Variants in CDKN1A observed in about 807,000 individuals in gnomAD.
CDKN1A encodes cyclin-dependent kinase inhibitor 1.
Under a neutral mutation model 14.8 loss-of-function variants are expected in CDKN1A, and 14 were observed. That is an observed-to-expected ratio of 0.94 (90% CI 0.62 to 1.48). The LOEUF is 1.48. Ranked by LOEUF, CDKN1A falls within the 40% of genes most tolerant of loss-of-function variation. The pLI, the probability that CDKN1A is intolerant of heterozygous loss-of-function variation, is 0.00. For missense variants in CDKN1A, 203 were observed against 231.7 expected (o/e 0.88, Z 0.80); for synonymous variants, 92 against 93.5 (o/e 0.98, Z 0.09).
chr6:36,677,324 G>C (rs1441090007), upstream of CDKN1A, among the ~76,000 whole-genome samples: 1 of 152,158 alleles, frequency 6.6e-6, no homozygotes, highest in African/African-American at 2.4e-5. Context: ...GGTCAGCTGC[G>C]TTAGAGGAAG....
chr6:36,681,334 T>TTCCTTCTTTCTTTC (rs780161958), intron 1 of CDKN1A, among the ~76,000 whole-genome samples: 7 of 86,126 alleles, frequency 8.1e-5, no homozygotes, highest in African/African-American at 2.6e-4. Context: ...CTTTCTTTCT[T>TTCCTTCTTTCTTTC]TTTCTTTCTT....
chr6:36,684,625 T>C lies in CDKN1A; in HGVS notation c.445+79T>C. The C allele has an allele frequency of 4.3e-6, 6 of 1,397,792 alleles. No homozygotes were observed. Among genetic ancestry groups the C allele is most frequent in the South Asian group, 2.4e-5 (2 of 84,548 alleles). The allele number at this position is 1,397,792 out of a possible 1,614,324, so 86.6% of individuals were successfully genotyped here. The stretch of plus-strand genomic sequence containing the variant: ...ATGGTCCAAGGGCTGACCTGTCTGG[T>C]CCTGGTCCAGCATGCTCCAGGTAGA... On this transcript the variant is annotated intron_variant, in intron 2 of 2. Transcript: ENST00000244741. This position sits in a 1 kb window ranked among gnomAD's most constrained non-coding sequence, Gnocchi z 6.0.
upstream of CDKN1A, chr6:36,678,712 C>G: frequency 1.0e-6 from 1 of 985,496 alleles, no homozygotes; most frequent in Non-Finnish European, 1.2e-6. This position sits in a 1 kb window ranked among gnomAD's most constrained non-coding sequence, Gnocchi z 5.7. Context: ...GCTGCGCCAG[C>G]TGAGGTGTGA....
chr6:36,685,721 G>A (rs1389437990), intron 2 of CDKN1A, 30 bp from the exon 3 acceptor site: 3 of 1,613,490 alleles, frequency 1.9e-6, no homozygotes, highest in Non-Finnish European at 1.7e-6. Flanking sequence ...CTTCTTCTTG[G>A]CCTGGCTGAC....
intron 1 of CDKN1A, among the ~76,000 whole-genome samples, chr6:36,679,651 G>A (rs1466509781): frequency 6.6e-6 from 1 of 152,210 alleles, no homozygotes; most frequent in Non-Finnish European, 1.5e-5. Context: ...CCCGCTCCGC[G>A]GCGCGCTGTA....
chr6:36,681,334 T>TCCTTCTTTCTTTCTTTCTTTCTTTC (rs1554185368), intron 1 of CDKN1A, among the ~76,000 whole-genome samples: 1 of 86,058 alleles, frequency 1.2e-5, no homozygotes, highest in African/African-American at 4.3e-5. Context: ...CTTTCTTTCT[T>TCCTTCTTTCTTTCTTTCTTTCTTTC]TTTCTTTCTT....
At chr6:36,681,297 T>TTTCC (rs1761949407) in intron 1 of CDKN1A, among the ~76,000 whole-genome samples, 1 of 118,678 alleles carries the variant, frequency 8.4e-6, no homozygotes, top group East Asian at 2.2e-4. Context: ...TCTTTCTTTC[T>TTTCC]TTCTTTCTTT....
At chr6:36,685,675 A>C in intron 2 of CDKN1A, 76 bp from the exon 3 acceptor site, 2 of 1,487,162 alleles carry the variant, frequency 1.3e-6, no homozygotes, top group Non-Finnish European at 1.9e-6. Context: ...CTGGCCCCCC[A>C]CTGTCTTCCT....
At chr6:36,681,334 T>TTCTTTCTTTTC (rs780161958) in intron 1 of CDKN1A, among the ~76,000 whole-genome samples, 1 of 86,058 alleles carries the variant, frequency 1.2e-5, no homozygotes, top group African/African-American at 4.3e-5. Context: ...CTTTCTTTCT[T>TTCTTTCTTTTC]TTTCTTTCTT....
chr6:36,681,982 T>C (rs752910517), intron 1 of CDKN1A, among the ~76,000 whole-genome samples: 1 of 152,160 alleles, frequency 6.6e-6, no homozygotes, highest in Non-Finnish European at 1.5e-5. Context: ...TGGGCTCAAA[T>C]GATTCTCCCA....
In CDKN1A at chr6:36,685,938, T is replaced by TG. The variant is rs1443635232; in HGVS notation, c.*140dup. On this transcript the variant is annotated 3_prime_UTR_variant, in exon 3 of 3. Coordinates refer to ENST00000244741, the MANE Select transcript of CDKN1A (RefSeq NM_000389.5). ...TAAACACCTCCTCATGTACATACCC[T>TG]GGCCGCCCCCTGCCCCCCAGCCTCT... is the stretch of plus-strand genomic sequence containing the variant. The TG allele has an allele frequency of 2.4e-6, 2 of 850,466 alleles. No individual in the cohort carries two copies. The highest frequency in any genetic ancestry group is 3.9e-6 in the Non-Finnish European group (2 of 510,526). 52.7% of individuals were successfully genotyped at this position (850,466 alleles called of 1,614,324 possible). A position where few individuals can be genotyped will look rare whatever the true frequency, so the allele number is the denominator to read the frequency against.
chr6:36,678,109 C>T (rs912853359), upstream of CDKN1A: 3 of 373,444 alleles, frequency 8.0e-6, no homozygotes, highest in African/African-American at 2.1e-5. This position sits in a 1 kb window ranked among gnomAD's most constrained non-coding sequence, Gnocchi z 5.7. Context: ...GTGAAATAAA[C>T]GGGACTGAAA....
At chr6:36,680,068 G>A (rs1053032286) in intron 1 of CDKN1A, among the ~76,000 whole-genome samples, 2 of 152,184 alleles carry the variant, frequency 1.3e-5, no homozygotes, top group Admixed American at 1.3e-4. Flanking sequence ...GGACACTTGC[G>A]CCCTCTTCGT....
rs1762235832 is a variant in CDKN1A, at chr6:36,687,090, C to T, written c.*1290C>T. 1 of 233,236 alleles carries T rather than the reference C, an allele frequency of 4.3e-6. No homozygotes were observed. The allele number at this position is 233,236 out of a possible 1,614,324, so 14.4% of individuals were successfully genotyped here. A position where few individuals can be genotyped will look rare whatever the true frequency, so the allele number is the denominator to read the frequency against. ...CACTAACGTTGAGCCCCTGGAGGCA[C>T]TGAAGTGCTTAGTGTACTTGGAGTA... On this transcript the variant is annotated 3_prime_UTR_variant, in exon 3 of 3. Coordinates refer to ENST00000244741, the MANE Select transcript of CDKN1A (RefSeq NM_000389.5).
chr6:36,678,206 G>C (rs563201719), upstream of CDKN1A: 1 of 272,634 alleles, frequency 3.7e-6, no homozygotes, highest in African/African-American at 2.3e-5. This position sits in a 1 kb window ranked among gnomAD's most constrained non-coding sequence, Gnocchi z 5.7. Context: ...GGATCAGTGG[G>C]AATAGAGGTG....
Position 36,685,700 on chromosome 6 carries a change from C to T in CDKN1A, c.446-51C>T, listed in dbSNP as rs3176356. On this transcript the variant is annotated intron_variant, in intron 2 of 2. Coordinates refer to ENST00000244741, the MANE Select transcript of CDKN1A (RefSeq NM_000389.5). The stretch of plus-strand genomic sequence containing the variant: ...ACTGTCTTCCTCAGTTGGGCAGCTC[C>T]GCCGCGTCCTCTTCTTCTTGGCCTG... 11,346 of 1,599,892 alleles carry T rather than the reference C, an allele frequency of 7.1e-3. 477 individuals are homozygous for T. In the African/African-American group the frequency reaches 0.11, roughly 15 times the overall value.
intron 1 of CDKN1A, among the ~76,000 whole-genome samples, chr6:36,683,000 AC>A (rs1373584549): frequency 6.6e-6 from 1 of 152,254 alleles, no homozygotes; most frequent in East Asian, 1.9e-4. Context: ...CACCCGCCTG[AC>A]GACATCCTTG....
chr6:36,685,984 A>C lies in CDKN1A; in HGVS notation c.*184A>C. 1 of 649,910 alleles carries C rather than the reference A, an allele frequency of 1.5e-6. No individual in the cohort carries two copies. The highest frequency in any genetic ancestry group is 1.7e-5 in the South Asian group (1 of 58,138). The allele number at this position is 649,910 out of a possible 1,614,324, so 40.3% of individuals were successfully genotyped here. A position where few individuals can be genotyped will look rare whatever the true frequency, so the allele number is the denominator to read the frequency against. On this transcript the variant is annotated 3_prime_UTR_variant, in exon 3 of 3. Coordinates refer to ENST00000244741, the MANE Select transcript of CDKN1A (RefSeq NM_000389.5). Reference sequence around the variant, plus strand: ...CCTCTGGCATTAGAATTATTTAAACAAAAACTAGGCGGTTGAATGAGAGGT... The same window carrying C: ...CCTCTGGCATTAGAATTATTTAAACCAAAACTAGGCGGTTGAATGAGAGGT...
At chr6:36,677,912 C>T (rs369661933), upstream of CDKN1A, 31 of 1,358,948 alleles carry the variant, frequency 2.3e-5, no homozygotes, top group African/African-American at 4.3e-4. Context: ...CTGCTGCAAC[C>T]ACAGGGATTT....
Sources: allele counts gnomAD v4.1 joint callset (sites outside exome capture counted in the v4.1 genomes callset), GRCh38; gene constraint gnomAD v4.1.1; non-coding constraint Gnocchi (gnomAD v3.1); transcripts MANE v1.5; gene names NCBI Gene and HGNC (gene_info 2026-07-23, HGNC 2026-07-21).